SARAF: variants seen among roughly 807,000 people sequenced by gnomAD.
SARAF encodes store-operated calcium entry associated regulatory factor.
In SARAF, 23 loss-of-function variants were observed where a neutral mutation model predicts 39.7. The observed-to-expected ratio is 0.58, with a 90% CI of 0.42 to 0.82. The LOEUF is 0.82. SARAF is among the 40% of genes least tolerant of loss of function. The probability of loss-of-function intolerance (pLI) is 0.00; values close to 1 mark genes in which losing one functional copy is unlikely to be tolerated. For synonymous variants in SARAF, 175 were observed against 168.5 expected, an observed-to-expected ratio of 1.04 and a Z score of -0.30; for missense variants, 384 against 418.5, an observed-to-expected ratio of 0.92 and a Z score of 0.72.
intron 4 of SARAF, 119 bp downstream of exon 4, chr8:30,066,658 A>C: frequency 7.8e-7 from 1 of 1,275,216 alleles, no homozygotes. Flanking sequence ...AGAGAATCTT[A>C]TTTAATAGGC....
chr8:30,072,845 T>C (rs1490116363), intron 2 of SARAF, among the ~76,000 whole-genome samples: 2 of 152,256 alleles, frequency 1.3e-5, no homozygotes, highest in Non-Finnish European at 2.9e-5. Flanking sequence ...CTTTATAATG[T>C]TGTGTTGGGA....
In SARAF at chr8:30,063,773, G is replaced by C; in HGVS notation, c.*115C>G. ...AAGCTACACTGGACATAACACCACA[G>C]AACTTTTGAATATCCCCTTTTCCCA... On this transcript the variant is annotated 3_prime_UTR_variant, in exon 6 of 6. Transcript: ENST00000256255. 1 of 909,296 alleles carries C rather than the reference G, an allele frequency of 1.1e-6. No homozygotes were observed. The highest frequency in any genetic ancestry group is 1.4e-5 in the South Asian group (1 of 73,332). 56.3% of individuals were successfully genotyped at this position (909,296 alleles called of 1,614,324 possible). A position where few individuals can be genotyped will look rare whatever the true frequency, so the allele number is the denominator to read the frequency against.
chr8:30,066,961 G>A (rs773134583), intron 3 of SARAF, 43 bp from the exon 4 acceptor site: 1 of 1,541,596 alleles, frequency 6.5e-7, no homozygotes, highest in Admixed American at 1.7e-5. Context: ...ACTTAAACAT[G>A]ACAGTCTACA....
chr8:30,081,197 A>G (rs1476094120), intron 1 of SARAF, among the ~76,000 whole-genome samples: 1 of 152,236 alleles, frequency 6.6e-6, no homozygotes, highest in Non-Finnish European at 1.5e-5. Context: ...GAATTTACAT[A>G]AAACAATTGA....
intron 1 of SARAF, among the ~76,000 whole-genome samples, chr8:30,082,038 T>G (rs901905135): frequency 6.6e-6 from 1 of 152,134 alleles, no homozygotes; most frequent in Non-Finnish European, 1.5e-5. Flanking sequence ...AATCGTCAGA[T>G]AAGAGGCAGC....
intron 1 of SARAF, among the ~76,000 whole-genome samples, chr8:30,080,624 C>G (rs1802075806): frequency 6.6e-6 from 1 of 152,116 alleles, no homozygotes; most frequent in African/African-American, 2.4e-5. Flanking sequence ...TCCCAACACC[C>G]GGAAGAGTAA....
chr8:30,073,918 T>C lies in SARAF; in HGVS notation c.241A>G (p.Ile81Val). The C allele has an allele frequency of 1.9e-6, 3 of 1,614,198 alleles. No homozygotes were observed. Among genetic ancestry groups the C allele is most frequent in the South Asian group, 2.2e-5 (2 of 91,088 alleles). The change falls in exon 2 of 6, where the codon ATA (isoleucine) becomes GTA (valine). Residue 81 changes from isoleucine to valine, a missense_variant. Coordinates refer to ENST00000256255, the MANE Select transcript of SARAF (RefSeq NM_016127.6). ...TCCCAGCCTTTGTTCTGACACTGTA[T>C]GACTTTTGGGGTATAAGAATCACAA... is the stretch of plus-strand genomic sequence containing the variant. Reference protein sequence around the residue: ...AGCDSYTPKVIQCQNKGWDGY... With the variant: ...AGCDSYTPKVVQCQNKGWDGY...
At chr8:30,077,666 G>T (rs1308230171) in intron 1 of SARAF, among the ~76,000 whole-genome samples, 1 of 151,866 alleles carries the variant, frequency 6.6e-6, no homozygotes, top group Non-Finnish European at 1.5e-5. Context: ...GCTGGGGATG[G>T]TGGCGCGTGC....
intron 3 of SARAF, among the ~76,000 whole-genome samples, chr8:30,069,430 G>A (rs552631411): frequency 3.2e-4 from 48 of 152,150 alleles, no homozygotes; most frequent in Middle Eastern, 3.4e-3. Context: ...GTGAGCCACC[G>A]CGCCCGGCCA....
intron 1 of SARAF, among the ~76,000 whole-genome samples, chr8:30,077,475 C>T (rs377644466): frequency 1.3e-5 from 2 of 151,664 alleles, no homozygotes; most frequent in East Asian, 1.9e-4. Flanking sequence ...TACATACATA[C>T]GACAGAACTG....
chr8:30,064,534 C>CATATATATATATAT (rs71204255), intron 5 of SARAF, among the ~76,000 whole-genome samples: 52 of 78,190 alleles, frequency 6.7e-4, no homozygotes, highest in South Asian at 1.5e-3. Context: ...CTTACCTAGC[C>CATATATATATATAT]ATATATATAT....
chr8:30,080,569 G>A (rs1259887321), intron 1 of SARAF, among the ~76,000 whole-genome samples: 1 of 152,194 alleles, frequency 6.6e-6, no homozygotes, highest in African/African-American at 2.4e-5. Flanking sequence ...CCCCAATAGA[G>A]GTAAAGTCCT....
At chr8:30,077,427 A>G (rs1801993857) in intron 1 of SARAF, among the ~76,000 whole-genome samples, 1 of 151,870 alleles carries the variant, frequency 6.6e-6, no homozygotes, top group Admixed American at 6.6e-5. Context: ...AGCCTGGGTG[A>G]TAGAGTGAGA....
chr8:30,083,030 G>A lies in SARAF; in HGVS notation c.-81C>T, dbSNP rs1176492557. The stretch of plus-strand genomic sequence containing the variant: ...GCGGTAGCGCGCGCGACGCTGCGCA[G>A]CTACACCGCTACCCCTGGCGGCGGC... On this transcript the variant is annotated 5_prime_UTR_variant, in exon 1 of 6. Coordinates refer to ENST00000256255, the MANE Select transcript of SARAF (RefSeq NM_016127.6). The A allele has an allele frequency of 8.7e-6, 9 of 1,033,860 alleles. No homozygotes were observed. The South Asian group carries it at 1.3e-4, about 15-fold the overall frequency. The allele number at this position is 1,033,860 out of a possible 1,614,324, so 64.0% of individuals were successfully genotyped here.
chr8:30,069,971 T>A lies in SARAF; in HGVS notation c.371A>T (p.Tyr124Phe). The change falls in exon 3 of 6, where the codon TAT becomes TTT. Residue 124 changes from tyrosine to phenylalanine, a missense_variant. Transcript: ENST00000256255. ...CEGYESSEDQ[Y>F]VLRGSCGLEY... ...CAAGCCACAAGAACCTCTTAGTACA[T>A]ACTGGTCTTCAGAGGACTCATAGCC... 6.2e-7 allele frequency: 1 copy of A among 1,613,914 alleles called. No homozygotes were observed. The highest frequency in any genetic ancestry group is 1.1e-5 in the South Asian group (1 of 91,090).
Position 30,083,048 on chromosome 8 carries a change from G to A in SARAF, c.-99C>T. 1 of 918,628 alleles carries A rather than the reference G, an allele frequency of 1.1e-6. No homozygotes were observed. Among genetic ancestry groups the A allele is most frequent in the Admixed American group, 3.4e-5 (1 of 29,270 alleles). The allele number at this position is 918,628 out of a possible 1,614,324, so 56.9% of individuals were successfully genotyped here. ...CTGCGCAGCTACACCGCTACCCCTG[G>A]CGGCGGCGAAGGAACGGCCCGACTG... On this transcript the variant is annotated 5_prime_UTR_variant, in exon 1 of 6. Transcript: ENST00000256255.
At position 30,082,852 on chromosome 8, in the gene SARAF, T is replaced by A; in HGVS notation, c.98A>T (p.Asp33Val). The A allele has an allele frequency of 6.5e-7, 1 of 1,546,466 alleles. No individual in the cohort carries two copies. Among genetic ancestry groups the A allele is most frequent in the South Asian group, 1.2e-5 (1 of 83,520 alleles). Residue 33 changes from aspartate to valine, a missense_variant, in exon 1 of 6, where the codon GAC becomes GTC. By Grantham distance (152) the Asp-to-Val change is radical. Coordinates refer to ENST00000256255, the MANE Select transcript of SARAF (RefSeq NM_016127.6). ...LTAGPALGWN[D>V]PDRMLLRDVK... The stretch of plus-strand genomic sequence containing the variant: ...AGGGCCCTGGCAGCACTCACCAGGG[T>A]CGTTCCAGCCCAGGGCAGGGCCCGC...
chr8:30,069,010 T>C (rs1238835683), intron 3 of SARAF, among the ~76,000 whole-genome samples: 1 of 152,072 alleles, frequency 6.6e-6, no homozygotes. Flanking sequence ...ACCTTTTACG[T>C]TGAGATTTAT....
chr8:30,068,774 T>C (rs530251614), intron 3 of SARAF, among the ~76,000 whole-genome samples: 7 of 152,330 alleles, frequency 4.6e-5, no homozygotes, highest in South Asian at 2.1e-4. Flanking sequence ...TATATATATA[T>C]ATGCCGGAAA....
Sources: gnomAD v4.1 joint callset for allele counts (sites outside exome capture counted in the v4.1 genomes callset) on GRCh38, gnomAD v4.1.1 for gene constraint, MANE v1.5 for transcripts, NCBI Gene and HGNC (gene_info 2026-07-23, HGNC 2026-07-21) for gene names.